DOCK1: variants seen among roughly 807,000 people sequenced by gnomAD.
DOCK1 encodes the protein dedicator of cytokinesis 1, also known as dedicator of cytokinesis protein 1.
In DOCK1, 138 loss-of-function variants were observed where a neutral mutation model predicts 262.7. That is an observed-to-expected ratio of 0.53 (90% CI 0.46 to 0.61). DOCK1 has a LOEUF of 0.61. Among genes scored for constraint, DOCK1 ranks in the 20% least tolerant of loss-of-function variants. The probability of loss-of-function intolerance (pLI) is 0.00; values close to 1 mark genes in which losing one functional copy is unlikely to be tolerated. For synonymous variants in DOCK1, 866 were observed against 867.4 expected (o/e 1.00, Z 0.03); for missense variants, 1,908 against 2,370.7 (o/e 0.80, Z 4.05).
At chr10:127,177,153 AT>A (rs2055239267) in intron 27 of DOCK1, 1 of 152,188 alleles carries the variant, frequency 6.6e-6, no homozygotes. Context: ...AAAAAAAAAA[AT>A]AAAAGAAATT....
chr10:127,319,062 C>G (rs1160852727), intron 29 of DOCK1, among the ~76,000 whole-genome samples: 1 of 152,160 alleles, frequency 6.6e-6, no homozygotes, highest in East Asian at 1.9e-4. Context: ...CTCTCTACCA[C>G]ACAAAACTGA....
intron 29 of DOCK1, among the ~76,000 whole-genome samples, chr10:127,308,429 T>G (rs2135480050): frequency 6.6e-6 from 1 of 152,348 alleles, no homozygotes; most frequent in East Asian, 1.9e-4. Flanking sequence ...TTTGTTTGTT[T>G]GTTTTTACTT....
chr10:127,157,935 G>T (rs976412738), intron 27 of DOCK1, among the ~76,000 whole-genome samples: 2 of 152,192 alleles, frequency 1.3e-5, no homozygotes, highest in African/African-American at 4.8e-5. Context: ...GTCAATCAGG[G>T]TATGCCTGCT....
intron 4 of DOCK1, among the ~76,000 whole-genome samples, chr10:126,982,748 T>G (rs2039074618): frequency 6.6e-6 from 1 of 152,030 alleles, no homozygotes. Flanking sequence ...ATGAAGAAAA[T>G]AATTTAGAGG....
chr10:127,362,870 C>CACACAT lies in DOCK1; in HGVS notation c.3432+665_3432+670dup, dbSNP rs1565026607. On this transcript the variant is annotated intron_variant, in intron 33 of 51. Transcript: ENST00000623213. ...ACACACACATGTACATCCCCACACA[C>CACACAT]ACACATACACATCCCCACACACACA... Among the ~76,000 whole-genome samples the CACACAT allele has an allele frequency of 6.0e-4, 73 of 120,976 alleles. 1 individual carries two copies. Among genetic ancestry groups the CACACAT allele is most frequent in the Non-Finnish European group, 7.6e-4 (45 of 59,040 alleles). The allele number at this position is 120,976 out of a possible 152,430, so 79.4% of individuals were successfully genotyped here.
chr10:127,244,691 A>G (rs1289517409), intron 27 of DOCK1, among the ~76,000 whole-genome samples: 6 of 152,146 alleles, frequency 3.9e-5, no homozygotes, highest in Non-Finnish European at 7.3e-5. Flanking sequence ...TTCTGCAAGT[A>G]TATCCTGACT....
intron 48 of DOCK1, among the ~76,000 whole-genome samples, chr10:127,435,033 T>G (rs1369890406): frequency 6.6e-6 from 1 of 152,230 alleles, no homozygotes; most frequent in Non-Finnish European, 1.5e-5. Flanking sequence ...ACTTTGGAGA[T>G]GCATTTTTGC....
intron 29 of DOCK1, among the ~76,000 whole-genome samples, chr10:127,328,406 A>G (rs2062832939): frequency 6.6e-6 from 1 of 152,174 alleles, no homozygotes; most frequent in Non-Finnish European, 1.5e-5. Context: ...ACTAGGATTC[A>G]TTTACACTGT....
intron 30 of DOCK1, among the ~76,000 whole-genome samples, chr10:127,342,916 A>G (rs1207158286): frequency 6.6e-6 from 1 of 152,160 alleles, no homozygotes; most frequent in South Asian, 2.1e-4. Flanking sequence ...AATCTATACT[A>G]TTCTTAAGTG....
At chr10:127,038,665 C>T (rs542605809) in intron 19 of DOCK1, among the ~76,000 whole-genome samples, 2 of 152,274 alleles carry the variant, frequency 1.3e-5, no homozygotes, top group African/African-American at 2.4e-5. Flanking sequence ...GCAGCAGTGT[C>T]GGGTATAATT....
At chr10:126,925,633 C>T (rs529670470) in intron 1 of DOCK1, among the ~76,000 whole-genome samples, 39 of 152,232 alleles carry the variant, frequency 2.6e-4, no homozygotes, top group East Asian at 7.7e-4. Flanking sequence ...CCGCCTGCCT[C>T]GGCCTCCCAA....
intron 27 of DOCK1, chr10:127,146,111 A>G (rs1290781598): frequency 1.2e-5 from 6 of 502,832 alleles, no homozygotes; most frequent in African/African-American, 9.8e-5. Flanking sequence ...TCATCTAAAC[A>G]TGAATTATCT....
chr10:126,928,102 G>A (rs2033902189), intron 1 of DOCK1, among the ~76,000 whole-genome samples: 1 of 152,206 alleles, frequency 6.6e-6, no homozygotes, highest in Non-Finnish European at 1.5e-5. Context: ...CTAGCCTCGT[G>A]TCGCTCGTTG....
chr10:127,331,512 C>A (rs1032044655), intron 29 of DOCK1, among the ~76,000 whole-genome samples: 2 of 152,078 alleles, frequency 1.3e-5, no homozygotes, highest in South Asian at 2.1e-4. Flanking sequence ...GAACTCCTGG[C>A]CTCTGGTGAT....
chr10:127,333,590 C>A (rs1295484624), intron 29 of DOCK1, among the ~76,000 whole-genome samples: 1 of 152,188 alleles, frequency 6.6e-6, no homozygotes, highest in African/African-American at 2.4e-5. Context: ...GGGATGATCT[C>A]CCTCTGGAGC....
intron 38 of DOCK1, among the ~76,000 whole-genome samples, chr10:127,393,932 GCC>G (rs1225764689): frequency 6.6e-6 from 1 of 151,540 alleles, no homozygotes; most frequent in Non-Finnish European, 1.5e-5. Context: ...CATTCTTGCC[GCC>G]CGCCTGAGTG....
intron 31 of DOCK1, among the ~76,000 whole-genome samples, chr10:127,353,924 T>C (rs2133866564): frequency 6.6e-6 from 1 of 152,360 alleles, no homozygotes; most frequent in Non-Finnish European, 1.5e-5. Context: ...GACACGAGGA[T>C]GAGCAGAGCA....
intron 29 of DOCK1, among the ~76,000 whole-genome samples, chr10:127,263,219 T>G (rs993866249): frequency 1.3e-5 from 2 of 152,250 alleles, no homozygotes; most frequent in African/African-American, 4.8e-5. Context: ...ATGTGTTTTA[T>G]AAGAGCGAAT....
chr10:127,048,033 G>A (rs957506506), intron 21 of DOCK1, among the ~76,000 whole-genome samples: 1 of 152,138 alleles, frequency 6.6e-6, no homozygotes, highest in Non-Finnish European at 1.5e-5. Flanking sequence ...AGCACCTAGC[G>A]GTAGAATTGC....
Sources: gnomAD v4.1 joint callset for allele counts (sites outside exome capture counted in the v4.1 genomes callset) on GRCh38, gnomAD v4.1.1 for gene constraint, MANE v1.5 for transcripts, NCBI Gene and HGNC (gene_info 2026-07-23, HGNC 2026-07-21) for gene names.